ADCY10: variants seen among roughly 807,000 people sequenced by gnomAD.
The protein encoded by ADCY10 is adenylate cyclase type 10.
ADCY10 carries 156 observed loss-of-function variants against 183.3 expected under a neutral mutation model. The ratio of observed to expected loss-of-function variants is 0.85; its 90% confidence interval spans 0.75 to 0.97. The LOEUF (loss-of-function observed/expected upper bound fraction) is 0.97. ADCY10 is among the 50% of genes least tolerant of loss of function. The pLI, the probability that ADCY10 is intolerant of heterozygous loss-of-function variation, is 0.00. For missense variants in ADCY10, 1,745 were observed against 1,934.3 expected, an observed-to-expected ratio of 0.90 and a Z score of 1.84; for synonymous variants, 645 against 670.0, an observed-to-expected ratio of 0.96 and a Z score of 0.58.
intron 31 of ADCY10, among the ~76,000 whole-genome samples, chr1:167,817,508 G>A (rs547061926): frequency 1.3e-4 from 20 of 152,166 alleles, no homozygotes; most frequent in Non-Finnish European, 2.9e-4. Flanking sequence ...ATTCTCTTGG[G>A]GGCTTGCCCA....
At chr1:167,860,619 G>C (rs1666219680) in intron 15 of ADCY10, among the ~76,000 whole-genome samples, 1 of 152,168 alleles carries the variant, frequency 6.6e-6, no homozygotes, top group Non-Finnish European at 1.5e-5. Context: ...AGCTAGTATA[G>C]CTATGATAGA....
chr1:167,836,852 C>T (rs899713331), intron 22 of ADCY10, among the ~76,000 whole-genome samples: 2 of 152,064 alleles, frequency 1.3e-5, no homozygotes, highest in Non-Finnish European at 1.5e-5. Context: ...GGTGAAATCC[C>T]GTCTCTACTA....
chr1:167,840,367 A>ACTTTTTT (rs1553265464), intron 21 of ADCY10, among the ~76,000 whole-genome samples: 2 of 147,438 alleles, frequency 1.4e-5, no homozygotes, highest in African/African-American at 5.1e-5. Flanking sequence ...TATTATTACT[A>ACTTTTTT]TTTTTTTTGG....
At chr1:167,900,551 A>G (rs1338235445) in intron 5 of ADCY10, among the ~76,000 whole-genome samples, 1 of 150,304 alleles carries the variant, frequency 6.7e-6, no homozygotes, top group East Asian at 1.9e-4. Flanking sequence ...TTTTTTTTTG[A>G]GATGGAGTTT....
Position 167,885,437 on chromosome 1 carries a change from C to T in ADCY10, c.829-1809G>A, listed in dbSNP as rs138464877. Among the ~76,000 whole-genome samples the T allele has an allele frequency of 4.7e-4, 72 of 152,146 alleles. 1 individual carries two copies. Among genetic ancestry groups the T allele is most frequent in the South Asian group, 2.7e-3 (13 of 4,814 alleles). On this transcript the variant is annotated intron_variant, in intron 8 of 32. Coordinates refer to ENST00000367851, the MANE Select transcript of ADCY10 (RefSeq NM_018417.6). ...TACAAGGATTCCCTTTTTTCCACATCCTGTCCAGCGTTTGTTATTGCCTGT... is the reference window on the plus strand; with the variant it reads ...TACAAGGATTCCCTTTTTTCCACATTCTGTCCAGCGTTTGTTATTGCCTGT...
intron 8 of ADCY10, among the ~76,000 whole-genome samples, chr1:167,884,109 C>A (rs941909288): frequency 6.6e-6 from 1 of 152,068 alleles, no homozygotes; most frequent in South Asian, 2.1e-4. Context: ...ACAAACAATC[C>A]AATTATACTC....
intron 30 of ADCY10, among the ~76,000 whole-genome samples, chr1:167,818,924 AAG>A (rs1267814882): frequency 6.6e-6 from 1 of 152,132 alleles, no homozygotes; most frequent in African/African-American, 2.4e-5. Flanking sequence ...TCCAATACCA[AAG>A]AGAGATGATT....
chr1:167,865,201 A>G (rs1480363303), intron 14 of ADCY10, among the ~76,000 whole-genome samples: 2 of 152,198 alleles, frequency 1.3e-5, no homozygotes, highest in Non-Finnish European at 2.9e-5. Flanking sequence ...GATTAGAAGG[A>G]GGCATAAGAA....
chr1:167,884,301 G>A (rs1231207855), intron 8 of ADCY10, among the ~76,000 whole-genome samples: 1 of 152,158 alleles, frequency 6.6e-6, no homozygotes, highest in Admixed American at 6.5e-5. Flanking sequence ...CGAAGGAGAA[G>A]CAGGCACTTC....
At chr1:167,833,320 C>A (rs942088560) in intron 24 of ADCY10, among the ~76,000 whole-genome samples, 158 bp from the exon 25 acceptor site, 1 of 152,140 alleles carries the variant, frequency 6.6e-6, no homozygotes, top group Non-Finnish European at 1.5e-5. Flanking sequence ...TAGAAAATGT[C>A]TATTGGATAT....
In ADCY10 at chr1:167,854,410, C is replaced by CAAACATCAT. The variant is rs1558189955; in HGVS notation, c.2250_2251insATGATGTTT (p.Leu750_Val751insMetMetPhe). ...TCCTCAGACTCCGTTTGTTGGAAAA[C>CAAACATCAT]GAGTACCTCATGATGTTCCAGGTTT... On this transcript the variant is annotated inframe_insertion, in exon 18 of 33. Coordinates refer to ENST00000367851, the MANE Select transcript of ADCY10 (RefSeq NM_018417.6). The CAAACATCAT allele has an allele frequency of 6.2e-7, 1 of 1,614,188 alleles. No individual in the cohort carries two copies. The highest frequency in any genetic ancestry group is 1.7e-5 in the Admixed American group (1 of 60,024).
intron 6 of ADCY10, 86 bp from the exon 7 acceptor site, chr1:167,896,777 T>C (rs1669006792): frequency 5.5e-6 from 5 of 909,420 alleles, no homozygotes; most frequent in Non-Finnish European, 9.2e-6. Flanking sequence ...AAAGAGAGTA[T>C]GCTTTTGACT....
chr1:167,879,887 C>T (rs1281561570), intron 11 of ADCY10, among the ~76,000 whole-genome samples: 1 of 152,180 alleles, frequency 6.6e-6, no homozygotes, highest in African/African-American at 2.4e-5. Flanking sequence ...CATATAGCCT[C>T]CCACTGCTCC....
chr1:167,892,347 G>A (rs1668655751), intron 8 of ADCY10, among the ~76,000 whole-genome samples: 1 of 152,170 alleles, frequency 6.6e-6, no homozygotes, highest in African/African-American at 2.4e-5. Flanking sequence ...TGGAAAAGAG[G>A]ACTACGGTAT....
intron 3 of ADCY10, among the ~76,000 whole-genome samples, chr1:167,902,899 A>G (rs1047286416): frequency 2.0e-5 from 3 of 152,362 alleles, no homozygotes; most frequent in South Asian, 2.1e-4. Flanking sequence ...TAAATCATTT[A>G]TCTACTCATA....
Position 167,809,804 on chromosome 1 carries a change from G to A in ADCY10, c.4707C>T (p.Asp1569=), listed in dbSNP as rs760458774. 14 of 1,614,076 alleles carry A rather than the reference G, an allele frequency of 8.7e-6. No individual in the cohort carries two copies. The South Asian group carries it at 1.3e-4, about 15-fold the overall frequency. The change falls in exon 33 of 33, where the codon GAC becomes GAT. Residue 1569 remains aspartate, a synonymous_variant. Transcript: ENST00000367851. ...SWYSTSELKE[D]QWLQTILSLP... Reference sequence around the variant, plus strand: ...GACTCAAGATCGTCTGAAGCCATTGGTCTTCTTTTAACTCAGAGGTTGAGT... The same window carrying A: ...GACTCAAGATCGTCTGAAGCCATTGATCTTCTTTTAACTCAGAGGTTGAGT...
Position 167,860,869 on chromosome 1 carries a change from A to T in ADCY10, c.1809+2T>A, listed in dbSNP as rs1360360231. 1 of 1,613,526 alleles carries T rather than the reference A, an allele frequency of 6.2e-7. No homozygotes were observed. Among genetic ancestry groups the T allele is most frequent in the Admixed American group, 1.7e-5 (1 of 60,022 alleles). On this transcript the variant is annotated splice_donor_variant, in intron 15 of 32. Transcript: ENST00000367851. LOFTEE classifies it high-confidence loss of function. ...TGCAGAAGTATAATACTAGCTAGTT[A>T]CCTGAACATGGAAAATGTCATTAAG...
chr1:167,884,155 C>T (rs1236800636), intron 8 of ADCY10, among the ~76,000 whole-genome samples: 1 of 152,162 alleles, frequency 6.6e-6, no homozygotes. Context: ...TTGTATTAGT[C>T]CGTTCTCCCA....
chr1:167,832,647 A>G (rs1301318517), intron 25 of ADCY10, among the ~76,000 whole-genome samples: 1 of 151,836 alleles, frequency 6.6e-6, no homozygotes, highest in Non-Finnish European at 1.5e-5. Flanking sequence ...CTGAGGTCCC[A>G]GGAGCAGTGG....
Sources: allele counts gnomAD v4.1 joint callset (sites outside exome capture counted in the v4.1 genomes callset), GRCh38; gene constraint gnomAD v4.1.1; transcripts MANE v1.5; gene names NCBI Gene and HGNC (gene_info 2026-07-23, HGNC 2026-07-21).